The following ANO6 variants were observed in gnomAD, a reference collection of about 807,000 sequenced individuals.
ANO6 encodes the protein anoctamin 6.
Under a neutral mutation model 117.5 loss-of-function variants are expected in ANO6, and 106 were observed. The ratio of observed to expected loss-of-function variants is 0.90; its 90% confidence interval spans 0.77 to 1.06. The LOEUF (loss-of-function observed/expected upper bound fraction) is 1.06. ANO6 is among the 50% of genes least tolerant of loss of function. The probability of loss-of-function intolerance (pLI) is 0.00; values close to 1 mark genes in which losing one functional copy is unlikely to be tolerated. For missense variants in ANO6, 955 were observed against 1,121.1 expected (o/e 0.85, Z 2.12); for synonymous variants, 367 against 385.1 (o/e 0.95, Z 0.55).
intron 16 of ANO6, 142 bp from the exon 17 acceptor site, chr12:45,416,554 CTGT>C (rs1486881041): frequency 9.5e-6 from 7 of 739,292 alleles, no homozygotes; most frequent in Non-Finnish European, 1.6e-5. Flanking sequence ...AATTCTTTCA[CTGT>C]TGAACACTAA....
intron 1 of ANO6, among the ~76,000 whole-genome samples, chr12:45,301,616 CAAAAAAA>C (rs1225757195): frequency 1.3e-5 from 1 of 75,878 alleles, no homozygotes; most frequent in East Asian, 3.7e-4. Flanking sequence ...GACCTTGTCT[CAAAAAAA>C]AAAAAAAAAG....
At chr12:45,426,438 A>G (rs539374606) in intron 19 of ANO6, among the ~76,000 whole-genome samples, 2 of 152,058 alleles carry the variant, frequency 1.3e-5, no homozygotes, top group Non-Finnish European at 2.9e-5. Flanking sequence ...CTTTGTGGCC[A>G]GCGCCGTTGA....
chr12:45,284,932 G>A lies in ANO6; in HGVS notation c.71-17082G>A, dbSNP rs187560500. ...TACTCCCTAGGGAGGGGCAATCTGA[G>A]TTATATGTCATTTCTGTTATTTCTG... On this transcript the variant is annotated intron_variant, in intron 1 of 19. Coordinates refer to ENST00000320560, the MANE Select transcript of ANO6 (RefSeq NM_001025356.3). 5.9e-5 allele frequency among the ~76,000 whole-genome samples: 9 copies of A among 152,326 alleles called. No individual in the cohort carries two copies. In the East Asian group the frequency reaches 1.4e-3, roughly 23 times the overall value.
chr12:45,254,076 A>T (rs1413399720), intron 1 of ANO6, among the ~76,000 whole-genome samples: 1 of 152,218 alleles, frequency 6.6e-6, no homozygotes, highest in Non-Finnish European at 1.5e-5. Flanking sequence ...CTGAGGCAGA[A>T]GAATCGCTTG....
chr12:45,309,657 T>C (rs1939787029), intron 2 of ANO6, among the ~76,000 whole-genome samples: 1 of 149,942 alleles, frequency 6.7e-6, no homozygotes, highest in Non-Finnish European at 1.5e-5. Context: ...AATATTTTGG[T>C]CTATTTTATG....
intron 6 of ANO6, among the ~76,000 whole-genome samples, chr12:45,349,804 C>T (rs1189677227): frequency 6.6e-6 from 1 of 152,150 alleles, no homozygotes; most frequent in Non-Finnish European, 1.5e-5. Flanking sequence ...CTTTTGTGCC[C>T]CACTGAATTT....
intron 9 of ANO6, among the ~76,000 whole-genome samples, chr12:45,376,092 C>CAT (rs1453777581): frequency 6.6e-6 from 1 of 151,424 alleles, no homozygotes; most frequent in Non-Finnish European, 1.5e-5. Context: ...CCAAAAGACA[C>CAT]ATGAAAAAAT....
At chr12:45,271,182 C>T (rs1318750538) in intron 1 of ANO6, among the ~76,000 whole-genome samples, 1 of 152,174 alleles carries the variant, frequency 6.6e-6, no homozygotes, top group Non-Finnish European at 1.5e-5. Flanking sequence ...ATTTCAGTGA[C>T]CTTACATGTT....
intron 1 of ANO6, among the ~76,000 whole-genome samples, chr12:45,258,116 C>A (rs1937899708): frequency 6.6e-6 from 1 of 152,180 alleles, no homozygotes; most frequent in African/African-American, 2.4e-5. Context: ...ACATATTAAT[C>A]AGTCGTGTGG....
intron 12 of ANO6, 123 bp from the exon 13 acceptor site, chr12:45,401,672 G>A: frequency 1.2e-6 from 1 of 821,350 alleles, no homozygotes; most frequent in East Asian, 2.6e-5. Flanking sequence ...ACCACCGCTG[G>A]TATCACTTAT....
chr12:45,269,299 C>G (rs1938317747), intron 1 of ANO6, among the ~76,000 whole-genome samples: 1 of 152,262 alleles, frequency 6.6e-6, no homozygotes, highest in Non-Finnish European at 1.5e-5. Flanking sequence ...GATTTCTAAC[C>G]ACATGGGGGC....
At chr12:45,255,253 G>T (rs1004610652) in intron 1 of ANO6, among the ~76,000 whole-genome samples, 1 of 152,114 alleles carries the variant, frequency 6.6e-6, no homozygotes, top group Non-Finnish European at 1.5e-5. Context: ...CATCATTAGC[G>T]CATGCTCCCT....
At chr12:45,223,923 A>T (rs1031394694) in intron 1 of ANO6, among the ~76,000 whole-genome samples, 1 of 152,176 alleles carries the variant, frequency 6.6e-6, no homozygotes, top group African/African-American at 2.4e-5. Context: ...AGATAACTTG[A>T]TTAACATAAT....
At chr12:45,349,129 T>C (rs1165625067) in intron 6 of ANO6, among the ~76,000 whole-genome samples, 7 of 152,236 alleles carry the variant, frequency 4.6e-5, no homozygotes. Context: ...TTAGCTGTTT[T>C]CATAATTACT....
intron 1 of ANO6, among the ~76,000 whole-genome samples, chr12:45,238,890 CTG>C (rs1947691259): frequency 1.3e-5 from 2 of 152,154 alleles, no homozygotes; most frequent in African/African-American, 4.8e-5. Flanking sequence ...AGGGATGAAG[CTG>C]ATTTGATCAT....
chr12:45,311,819 T>C lies in ANO6; in HGVS notation c.150+9726T>C, dbSNP rs149532566. On this transcript the variant is annotated intron_variant, in intron 2 of 19. Coordinates refer to ENST00000320560, the MANE Select transcript of ANO6 (RefSeq NM_001025356.3). ...AATTGGCAATTTCTAATTGATTAAC[T>C]TGGTAACTGATAGAAAGTGGGGAAT... is the stretch of plus-strand genomic sequence containing the variant. Among the ~76,000 whole-genome samples, 342 of 152,184 alleles carry C rather than the reference T, an allele frequency of 2.2e-3. 2 individuals are homozygous for C. The highest frequency in any genetic ancestry group is 7.7e-3 in the African/African-American group (321 of 41,570).
chr12:45,287,954 T>C (rs1938970845), intron 1 of ANO6, among the ~76,000 whole-genome samples: 1 of 152,166 alleles, frequency 6.6e-6, no homozygotes, highest in Non-Finnish European at 1.5e-5. Context: ...ATATACCCTT[T>C]AGTTTATTGG....
chr12:45,272,356 G>A (rs1019289573), intron 1 of ANO6, among the ~76,000 whole-genome samples: 3 of 152,116 alleles, frequency 2.0e-5, no homozygotes, highest in African/African-American at 7.2e-5. Context: ...ATGTAAGACT[G>A]CATTTTCAGT....
intron 8 of ANO6, 91 bp from the exon 9 acceptor site, chr12:45,367,597 G>A: frequency 2.1e-6 from 2 of 964,334 alleles, no homozygotes; most frequent in Non-Finnish European, 1.6e-6. Flanking sequence ...TACAAGATCG[G>A]TTTAGTTTTG....
Sources: gnomAD v4.1 joint callset for allele counts (sites outside exome capture counted in the v4.1 genomes callset) on GRCh38, gnomAD v4.1.1 for gene constraint, MANE v1.5 for transcripts, NCBI Gene and HGNC (gene_info 2026-07-23, HGNC 2026-07-21) for gene names.